Variants in WDR43 observed in about 807,000 individuals in gnomAD.
The protein encoded by WDR43 is WD repeat domain 43.
WDR43 carries 13 observed loss-of-function variants against 91.4 expected under a neutral mutation model. The observed-to-expected ratio is 0.14, with a 90% CI of 0.09 to 0.23. WDR43 has a LOEUF of 0.23. Ranked by LOEUF, WDR43 falls within the 10% of genes least tolerant of loss-of-function variation. WDR43 has a pLI of 1.00. For synonymous variants in WDR43, 331 were observed against 287.9 expected (o/e 1.15, Z -1.51); for missense variants, 780 against 809.4 (o/e 0.96, Z 0.44).
chr2:28,938,129 AT>A, intron 14 of WDR43, 135 bp downstream of exon 14: 3 of 929,796 alleles, frequency 3.2e-6, no homozygotes, highest in Admixed American at 5.6e-5. Flanking sequence ...TCCTTTAGAG[AT>A]TTTGTTTTAC....
intron 1 of WDR43, among the ~76,000 whole-genome samples, chr2:28,901,389 C>T (rs1367057723): frequency 6.6e-6 from 1 of 152,242 alleles, no homozygotes; most frequent in Admixed American, 6.5e-5. Flanking sequence ...ATCACTGAGC[C>T]AGCCCTTGAC....
At position 28,894,731 on chromosome 2, in the gene WDR43, C is replaced by T. The variant is rs768136001; in HGVS notation, c.33C>T (p.Pro11=). 11 of 1,580,970 alleles carry T rather than the reference C, an allele frequency of 7.0e-6. No individual in the cohort carries two copies. The highest frequency in any genetic ancestry group is 3.7e-5 in the Admixed American group (2 of 54,354). The change falls in exon 1 of 18, where the codon CCC becomes CCT. Residue 11 remains proline (P), a synonymous_variant. Coordinates refer to ENST00000407426, the MANE Select transcript of WDR43 (RefSeq NM_015131.3). MAAGGGGSCD[P]LAPAGVPCAF... ...CGGGCGGCGGCGGTAGCTGCGACCC[C>T]CTGGCCCCTGCTGGGGTCCCTTGCG...
intron 11 of WDR43, among the ~76,000 whole-genome samples, chr2:28,933,442 CAGG>C (rs1157960890): frequency 6.6e-6 from 1 of 152,086 alleles, no homozygotes; most frequent in South Asian, 2.1e-4. Context: ...TGGGAAAAAA[CAGG>C]AGAACATCTT....
chr2:28,924,132 T>A (rs1221479251), intron 7 of WDR43, among the ~76,000 whole-genome samples: 1 of 151,682 alleles, frequency 6.6e-6, no homozygotes, highest in African/African-American at 2.4e-5. Context: ...GTGTGAGGAG[T>A]TTGTGGCTGA....
At chr2:28,906,049 T>A (rs904539468) in intron 2 of WDR43, among the ~76,000 whole-genome samples, 3 of 152,210 alleles carry the variant, frequency 2.0e-5, no homozygotes, top group African/African-American at 7.2e-5. Context: ...TTTAGTTAAT[T>A]ATTTGGTAAT....
At chr2:28,915,096 T>C (rs1370649383) in intron 5 of WDR43, among the ~76,000 whole-genome samples, 1 of 152,032 alleles carries the variant, frequency 6.6e-6, no homozygotes. Flanking sequence ...CTTCACCATA[T>C]AAAGTTACTA....
rs559953633 is a variant in WDR43, at chr2:28,919,528, C to T, written c.849+1533C>T. Among the ~76,000 whole-genome samples, 32 of 152,070 alleles carry T rather than the reference C, an allele frequency of 2.1e-4. No individual in the cohort carries two copies. The South Asian group carries it at 6.0e-3, about 29-fold the overall frequency. ...AAAATTAGCCGGGGCTGGTGGCGGG[C>T]GCCTGTAGTCCCAGCTACTCGGGAG... is the stretch of plus-strand genomic sequence containing the variant. On this transcript the variant is annotated intron_variant, in intron 6 of 17. Coordinates refer to ENST00000407426, the MANE Select transcript of WDR43 (RefSeq NM_015131.3).
intron 4 of WDR43, 75 bp downstream of exon 4, chr2:28,912,785 A>T: frequency 6.5e-7 from 1 of 1,548,552 alleles, no homozygotes; most frequent in South Asian, 1.2e-5. Flanking sequence ...TTGAACCATA[A>T]GATATTATTT....
At chr2:28,943,208 G>A (rs922270067) in intron 16 of WDR43, among the ~76,000 whole-genome samples, 2 of 151,720 alleles carry the variant, frequency 1.3e-5, no homozygotes, top group African/African-American at 4.8e-5. Context: ...GTCAATCATA[G>A]CTCACTGCAG....
At position 28,936,970 on chromosome 2, in the gene WDR43, G is replaced by T; in HGVS notation, c.1556+17G>T. Reference sequence around the variant, plus strand: ...TCCTAATAGGTAAGATTAAACAGGTGACTTAAAAACAGTGTTGTCTGACAG... The same window carrying T: ...TCCTAATAGGTAAGATTAAACAGGTTACTTAAAAACAGTGTTGTCTGACAG... On this transcript the variant is annotated intron_variant, in intron 13 of 17. Coordinates refer to ENST00000407426, the MANE Select transcript of WDR43 (RefSeq NM_015131.3). 1.9e-6 allele frequency: 3 copies of T among 1,562,918 alleles called. No individual in the cohort carries two copies. The South Asian group carries it at 3.6e-5, about 19-fold the overall frequency.
chr2:28,916,332 A>AT (rs1406092463), intron 5 of WDR43, among the ~76,000 whole-genome samples: 4 of 151,396 alleles, frequency 2.6e-5, no homozygotes, highest in Admixed American at 6.6e-5. Flanking sequence ...ACATTGCCAG[A>AT]TTTTTTTTTC....
In WDR43 at chr2:28,906,507, C is replaced by T. The variant is rs762686690; in HGVS notation, c.411C>T (p.Asp137=). The T allele has an allele frequency of 6.3e-7, 1 of 1,597,926 alleles. No homozygotes were observed. Among genetic ancestry groups the T allele is most frequent in the Non-Finnish European group, 8.5e-7 (1 of 1,172,432 alleles). Reference sequence around the variant, plus strand: ...TCAACTGCATACAGTGGCATCAAGACAGTGGCTGTTTATATAGTTGTTCAG... The same window carrying T: ...TCAACTGCATACAGTGGCATCAAGATAGTGGCTGTTTATATAGTTGTTCAG... ...NRVNCIQWHQ[D]SGCLYSCSDD... Residue 137 remains aspartate (D), a synonymous_variant, in exon 3 of 18, where the codon GAC becomes GAT. Coordinates refer to ENST00000407426, the MANE Select transcript of WDR43 (RefSeq NM_015131.3).
At chr2:28,924,861 C>G in intron 7 of WDR43, 121 bp from the exon 8 acceptor site, 1 of 1,158,928 alleles carries the variant, frequency 8.6e-7, no homozygotes, top group South Asian at 1.6e-5. Context: ...ACCCAGGTGA[C>G]TCCTGATGGC....
intron 13 of WDR43, 40 bp from the exon 14 acceptor site, chr2:28,937,891 G>T: frequency 6.2e-7 from 1 of 1,602,332 alleles, no homozygotes; most frequent in South Asian, 1.1e-5. Context: ...ATTTACTTTT[G>T]AATTTGTGAA....
intron 7 of WDR43, among the ~76,000 whole-genome samples, chr2:28,923,398 C>T (rs963701600): frequency 2.6e-5 from 4 of 152,136 alleles, no homozygotes; most frequent in African/African-American, 7.2e-5. Flanking sequence ...GTCAGCAAAC[C>T]GGCTTGCAGG....
At chr2:28,931,368 CT>C (rs1292933550) in intron 11 of WDR43, among the ~76,000 whole-genome samples, 1 of 152,258 alleles carries the variant, frequency 6.6e-6, no homozygotes, top group Non-Finnish European at 1.5e-5. Context: ...GCGTGAGCCA[CT>C]GTGCCGGCCT....
chr2:28,923,386 G>T (rs1671073300), intron 7 of WDR43, among the ~76,000 whole-genome samples: 1 of 152,136 alleles, frequency 6.6e-6, no homozygotes, highest in Admixed American at 6.5e-5. Flanking sequence ...CATAGACCAG[G>T]AGTCAGCAAA....
chr2:28,927,579 C>T lies in WDR43; in HGVS notation c.1184C>T (p.Pro395Leu). 6.2e-7 allele frequency: 1 copy of T among 1,613,674 alleles called. No individual in the cohort carries two copies. The highest frequency in any genetic ancestry group is 8.5e-7 in the Non-Finnish European group (1 of 1,179,798). ...ATTCCTGTTGAACAGGTGAGGACAC[C>T]AGTGATGAATTCTGAAGCAAAAGTT... ...VETAITKVRT[P>L]VMNSEAKVLV... Residue 395 changes from proline to leucine, a missense_variant, in exon 10 of 18, where the codon CCA (proline) becomes CTA (leucine). Coordinates refer to ENST00000407426, the MANE Select transcript of WDR43 (RefSeq NM_015131.3).
At chr2:28,932,638 A>G (rs1057029872) in intron 11 of WDR43, among the ~76,000 whole-genome samples, 3 of 152,150 alleles carry the variant, frequency 2.0e-5, no homozygotes, top group Non-Finnish European at 4.4e-5. Context: ...AGTTATGAGG[A>G]TATTAAAAAT....
Sources: gnomAD v4.1 joint callset for allele counts (sites outside exome capture counted in the v4.1 genomes callset) on GRCh38, gnomAD v4.1.1 for gene constraint, MANE v1.5 for transcripts, NCBI Gene and HGNC (gene_info 2026-07-23, HGNC 2026-07-21) for gene names.